The following NME7 variants were observed in gnomAD, a reference collection of about 807,000 sequenced individuals.
NME7 encodes the protein NME/NM23 family member 7.
A neutral mutation model predicts 49.1 loss-of-function variants in NME7; 41 were observed. The observed-to-expected ratio is 0.83, with a 90% CI of 0.65 to 1.08. NME7 has a LOEUF of 1.08. Among genes scored for constraint, NME7 ranks in the 50% least tolerant of loss-of-function variants. NME7 has a pLI of 0.00. For missense variants in NME7, 423 were observed against 463.4 expected (o/e 0.91, Z 0.80); for synonymous variants, 139 against 150.6 (o/e 0.92, Z 0.56).
At chr1:169,138,033 G>A (rs1290370785) in intron 11 of NME7, among the ~76,000 whole-genome samples, 3 of 152,168 alleles carry the variant, frequency 2.0e-5, no homozygotes, top group African/African-American at 7.2e-5. Context: ...TAAATGAGCC[G>A]GGTGCAGTGG....
chr1:169,209,263 T>C (rs1660752383), intron 10 of NME7, among the ~76,000 whole-genome samples: 1 of 152,002 alleles, frequency 6.6e-6, no homozygotes, highest in Non-Finnish European at 1.5e-5. Flanking sequence ...AAATTCAAGA[T>C]TGCATGCATT....
rs1018422839 is a variant in NME7 at position 169,276,239 on chromosome 1, G to T, written c.754+11064C>A. ...GGAGGATTCCCTCTTTTTTTATTCA[G>T]TGGAATAGTTTCAGAAGGAATGGTA... On this transcript the variant is annotated intron_variant, in intron 7 of 11. Transcript: ENST00000367811. Among the ~76,000 whole-genome samples, 8 of 133,432 alleles carry T rather than the reference G, an allele frequency of 6.0e-5. 1 individual carries two copies. The South Asian group carries it at 1.6e-3, about 27-fold the overall frequency. 87.5% of individuals were successfully genotyped at this position (133,432 alleles called of 152,430 possible). A position where few individuals can be genotyped will look rare whatever the true frequency, so the allele number is the denominator to read the frequency against.
chr1:169,307,985 AC>A (rs2101917948), intron 4 of NME7, among the ~76,000 whole-genome samples: 1 of 147,040 alleles, frequency 6.8e-6, no homozygotes, highest in South Asian at 2.2e-4. Context: ...GTGCCACTAC[AC>A]TCCAGCCTGG....
Position 169,274,191 on chromosome 1 carries a change from T to C in NME7, c.754+13112A>G, listed in dbSNP as rs866961659. On this transcript the variant is annotated intron_variant, in intron 7 of 11. Coordinates refer to ENST00000367811, the MANE Select transcript of NME7 (RefSeq NM_013330.5). ...TGTGAGATGGTATGTCATTGTGGTT[T>C]TGATTTGCATTTCTCTGATGGCCAG... is the stretch of plus-strand genomic sequence containing the variant. 3.0e-5 allele frequency among the ~76,000 whole-genome samples: 4 copies of C among 133,738 alleles called. 1 individual carries two copies. Among genetic ancestry groups the C allele is most frequent in the Non-Finnish European group, 5.3e-5 (3 of 56,986 alleles). 87.7% of individuals were successfully genotyped at this position (133,738 alleles called of 152,430 possible). A position where few individuals can be genotyped will look rare whatever the true frequency, so the allele number is the denominator to read the frequency against.
At chr1:169,340,722 C>A (rs566983758) in intron 1 of NME7, among the ~76,000 whole-genome samples, 33 of 152,288 alleles carry the variant, frequency 2.2e-4, no homozygotes, top group Non-Finnish European at 3.8e-4. Context: ...TTAGTGGGAA[C>A]TGGAGTGAAG....
chr1:169,277,376 T>C (rs1649778790), intron 7 of NME7, among the ~76,000 whole-genome samples: 1 of 142,958 alleles, frequency 7.0e-6, no homozygotes, highest in South Asian at 2.4e-4. Flanking sequence ...TGCTCCTGTA[T>C]TGGGTGCAAT....
At chr1:169,246,985 T>C (rs1052500808) in intron 7 of NME7, 1 of 449,676 alleles carries the variant, frequency 2.2e-6, no homozygotes, top group Non-Finnish European at 4.4e-6. Flanking sequence ...ACAGGCTCCA[T>C]ACCATCATAG....
chr1:169,234,192 C>G (rs570511929), intron 9 of NME7, among the ~76,000 whole-genome samples: 158 of 152,228 alleles, frequency 1.0e-3, no homozygotes, highest in African/African-American at 3.8e-3. Context: ...AAAAAACAAC[C>G]TTTCTGTTTC....
intron 7 of NME7, chr1:169,247,111 C>A (rs1477867860): frequency 1.1e-5 from 5 of 455,412 alleles, no homozygotes; most frequent in East Asian, 6.9e-5. Context: ...AACAGCTATA[C>A]CTTGGTTGAA....
intron 7 of NME7, among the ~76,000 whole-genome samples, chr1:169,243,756 T>A (rs76551159): frequency 6.6e-6 from 1 of 152,160 alleles, no homozygotes; most frequent in Admixed American, 6.5e-5. Context: ...CTGTGGGAAA[T>A]ACATGTTTGT....
chr1:169,342,485 G>GTATA lies in NME7; in HGVS notation c.4-17989_4-17986dup, dbSNP rs71121764. 0.041 allele frequency among the ~76,000 whole-genome samples: 5,311 copies of GTATA among 128,614 alleles called. 1,040 individuals are homozygous for GTATA. In the East Asian group the frequency reaches 0.64, roughly 16 times the overall value. 84.4% of individuals were successfully genotyped at this position (128,614 alleles called of 152,430 possible). A position where few individuals can be genotyped will look rare whatever the true frequency, so the allele number is the denominator to read the frequency against. ...CAAGTACATATATATACTTGTATTA[G>GTATA]TATATATATATATACAAGTACATAT... On this transcript the variant is annotated intron_variant, in intron 1 of 11. Coordinates refer to ENST00000367811, the MANE Select transcript of NME7 (RefSeq NM_013330.5).
intron 10 of NME7, among the ~76,000 whole-genome samples, chr1:169,195,072 T>G (rs1046731069): frequency 2.4e-4 from 37 of 152,160 alleles, no homozygotes; most frequent in African/African-American, 8.9e-4. Context: ...TCAAAACATG[T>G]TTTTTGCATT....
intron 7 of NME7, among the ~76,000 whole-genome samples, chr1:169,269,853 C>G (rs1302785652): frequency 7.4e-6 from 1 of 134,280 alleles, no homozygotes; most frequent in Non-Finnish European, 1.7e-5. Context: ...GAAACATTCT[C>G]CATGAAAATA....
chr1:169,317,486 T>C (rs183071199), intron 3 of NME7, among the ~76,000 whole-genome samples: 9 of 152,334 alleles, frequency 5.9e-5, no homozygotes, highest in African/African-American at 1.9e-4. Flanking sequence ...ACAACGATAC[T>C]ATAGATAAGT....
At chr1:169,302,810 C>T (rs1327161299) in intron 5 of NME7, among the ~76,000 whole-genome samples, 1 of 152,098 alleles carries the variant, frequency 6.6e-6, no homozygotes, top group African/African-American at 2.4e-5. Flanking sequence ...AAAAGCCCCA[C>T]AAACACAAAA....
chr1:169,285,323 T>G (rs956472535), intron 7 of NME7: 1 of 152,108 alleles, frequency 6.6e-6, no homozygotes, highest in African/African-American at 2.4e-5. Flanking sequence ...ATTTTTGGAT[T>G]AGGGATACCA....
chr1:169,267,913 A>T (rs571248533), intron 7 of NME7, among the ~76,000 whole-genome samples: 1 of 134,508 alleles, frequency 7.4e-6, no homozygotes, highest in East Asian at 2.0e-4. Flanking sequence ...GCCAAAAGCA[A>T]TTGCAACAAA....
chr1:169,223,145 A>T (rs890628469), intron 10 of NME7, among the ~76,000 whole-genome samples: 2 of 152,192 alleles, frequency 1.3e-5, no homozygotes, highest in African/African-American at 4.8e-5. Flanking sequence ...GGCCATGGGC[A>T]TGTCATATTT....
chr1:169,315,070 G>C (rs536884834), intron 3 of NME7, among the ~76,000 whole-genome samples: 79 of 151,924 alleles, frequency 5.2e-4, no homozygotes, highest in African/African-American at 1.7e-3. Flanking sequence ...ACTACAAGAA[G>C]AAATAGACAA....
Sources: allele counts gnomAD v4.1 joint callset (sites outside exome capture counted in the v4.1 genomes callset), GRCh38; gene constraint gnomAD v4.1.1; transcripts MANE v1.5; gene names NCBI Gene and HGNC (gene_info 2026-07-23, HGNC 2026-07-21).